SLC38A9: variants seen among roughly 807,000 people sequenced by gnomAD.
SLC38A9 encodes the protein solute carrier family 38 member 9.
SLC38A9 carries 48 observed loss-of-function variants against 62.3 expected under a neutral mutation model. That is an observed-to-expected ratio of 0.77 (90% CI 0.61 to 0.98). SLC38A9 has a LOEUF of 0.98. Ranked by LOEUF, SLC38A9 falls within the 50% of genes least tolerant of loss-of-function variation. SLC38A9 has a pLI of 0.00. For missense variants in SLC38A9, 541 were observed against 679.8 expected, an observed-to-expected ratio of 0.80 and a Z score of 2.27; for synonymous variants, 204 against 227.7, an observed-to-expected ratio of 0.90 and a Z score of 0.94.
intron 9 of SLC38A9, among the ~76,000 whole-genome samples, chr5:55,653,970 C>G (rs67424964): frequency 6.6e-6 from 1 of 152,058 alleles, no homozygotes; most frequent in African/African-American, 2.4e-5. Context: ...ACGTATGTTT[C>G]TTAAATACTG....
chr5:55,635,793 T>C, intron 12 of SLC38A9, 136 bp from the exon 13 acceptor site: 1 of 592,512 alleles, frequency 1.7e-6, no homozygotes, highest in South Asian at 2.3e-5. Context: ...CTTCTAGATA[T>C]TCAATTTGTT....
At chr5:55,705,006 T>C (rs143031476) in intron 2 of SLC38A9, among the ~76,000 whole-genome samples, 144 of 152,344 alleles carry the variant, frequency 9.5e-4, no homozygotes, top group African/African-American at 3.2e-3. Context: ...ACTTTTATTA[T>C]GAATTTGGCT....
intron 12 of SLC38A9, among the ~76,000 whole-genome samples, chr5:55,639,288 A>G (rs1480743169): frequency 6.6e-6 from 1 of 151,798 alleles, no homozygotes; most frequent in African/African-American, 2.4e-5. Context: ...AAAAAAAAAA[A>G]AAAAAAGAAT....
rs777728823 is a variant in SLC38A9 at position 55,692,884 on chromosome 5, T to C, written c.113+4962A>G. 1.4e-5 allele frequency: 14 copies of C among 978,584 alleles called. No homozygotes were observed. In the South Asian group the frequency reaches 4.7e-4, roughly 33 times the overall value. 60.6% of individuals were successfully genotyped at this position (978,584 alleles called of 1,614,324 possible). A position where few individuals can be genotyped will look rare whatever the true frequency, so the allele number is the denominator to read the frequency against. On this transcript the variant is annotated intron_variant, in intron 3 of 15. Transcript: ENST00000396865. ...GGATTATATAAGTAAGAATCAAAAG[T>C]CTTATTTCATTATCTTTTCTGATGG...
intron 3 of SLC38A9, among the ~76,000 whole-genome samples, chr5:55,693,809 C>A (rs901395947): frequency 6.6e-6 from 1 of 152,102 alleles, no homozygotes; most frequent in Non-Finnish European, 1.5e-5. Flanking sequence ...ACCTGTAATC[C>A]CAACACTTTG....
intron 2 of SLC38A9, among the ~76,000 whole-genome samples, chr5:55,704,685 A>C (rs1017730801): frequency 6.6e-6 from 1 of 152,244 alleles, no homozygotes; most frequent in Non-Finnish European, 1.5e-5. Flanking sequence ...AATGCATAAA[A>C]GCACTTTCAG....
intron 3 of SLC38A9, chr5:55,694,063 C>T: frequency 6.2e-6 from 1 of 160,124 alleles, no homozygotes; most frequent in East Asian, 1.8e-4. Context: ...AAAAAATTAG[C>T]TGGTCACAGT....
At chr5:55,693,134 G>A (rs1230024775) in intron 3 of SLC38A9, 1 of 365,184 alleles carries the variant, frequency 2.7e-6, no homozygotes, top group Non-Finnish European at 3.8e-6. Flanking sequence ...TTAATTGTTG[G>A]GTGTCTACCT....
At chr5:55,634,373 G>A (rs1422800030) in intron 13 of SLC38A9, 1 of 152,726 alleles carries the variant, frequency 6.5e-6, no homozygotes, top group Non-Finnish European at 1.5e-5. Flanking sequence ...AGAATAAGGT[G>A]AGAGTATGTC....
chr5:55,653,949 A>G (rs561627858), intron 9 of SLC38A9, among the ~76,000 whole-genome samples: 4 of 152,118 alleles, frequency 2.6e-5, no homozygotes, highest in Non-Finnish European at 5.9e-5. Context: ...GAGCCACCGC[A>G]CTGGGCCTAA....
intron 3 of SLC38A9, among the ~76,000 whole-genome samples, chr5:55,682,633 G>C (rs6895240): frequency 0.036 from 5,543 of 152,198 alleles, 135 homozygotes; most frequent in African/African-American, 0.07. Context: ...AAAGCAGCCA[G>C]GCATCCTGAC....
intron 3 of SLC38A9, among the ~76,000 whole-genome samples, chr5:55,677,507 C>T (rs1752271463): frequency 6.6e-6 from 1 of 152,080 alleles, no homozygotes; most frequent in Non-Finnish European, 1.5e-5. Flanking sequence ...CTCCTTCACT[C>T]TGTACAGAAG....
At chr5:55,684,601 C>G (rs1005572481) in intron 3 of SLC38A9, among the ~76,000 whole-genome samples, 1 of 152,142 alleles carries the variant, frequency 6.6e-6, no homozygotes, top group African/African-American at 2.4e-5. Context: ...AATTTTCTTC[C>G]TCTAGCCCTA....
At position 55,625,872 on chromosome 5, in the gene SLC38A9, A is replaced by C. The variant is rs1188071404; in HGVS notation, c.*622T>G. 3.6e-5 allele frequency: 5 copies of C among 138,164 alleles called. No individual in the cohort carries two copies. Among genetic ancestry groups the C allele is most frequent in the Non-Finnish European group, 7.7e-5 (5 of 65,254 alleles). 8.6% of individuals were successfully genotyped at this position (138,164 alleles called of 1,614,324 possible). ...AGACAGCAACAAACTCTCCTACTTT[A>C]TTTATTTTGTATACATTTCATGATC... is the stretch of plus-strand genomic sequence containing the variant. On this transcript the variant is annotated 3_prime_UTR_variant, in exon 16 of 16. Coordinates refer to ENST00000396865, the MANE Select transcript of SLC38A9 (RefSeq NM_173514.4).
chr5:55,631,242 C>G (rs757330916), intron 14 of SLC38A9, among the ~76,000 whole-genome samples: 1 of 152,104 alleles, frequency 6.6e-6, no homozygotes, highest in Non-Finnish European at 1.5e-5. Flanking sequence ...TTTTTAAGAG[C>G]ATAAAGGGTC....
intron 11 of SLC38A9, among the ~76,000 whole-genome samples, chr5:55,648,038 G>C (rs1306226211): frequency 6.6e-6 from 1 of 152,094 alleles, no homozygotes; most frequent in Non-Finnish European, 1.5e-5. Flanking sequence ...TCAGGAGTTT[G>C]AGACCAGCCT....
At chr5:55,664,922 A>G in intron 7 of SLC38A9, 59 bp from the exon 8 acceptor site, 1 of 1,208,824 alleles carries the variant, frequency 8.3e-7, no homozygotes, top group Non-Finnish European at 1.1e-6. Flanking sequence ...CATATTCATA[A>G]TTTGTGTTCC....
rs186585259 is a variant in SLC38A9, at chr5:55,664,597, T to G, written c.697+96A>C. ...TTATATATGTTACTTCTTATTTTAT[T>G]TATCCCAAGTCCTAGAATTTAAGGC... On this transcript the variant is annotated intron_variant, in intron 8 of 15. Transcript: ENST00000396865. 7.0e-4 allele frequency: 457 copies of G among 648,904 alleles called. 2 individuals are homozygous for G. The highest frequency in any genetic ancestry group is 9.8e-4 in the Non-Finnish European group (421 of 431,672). 40.2% of individuals were successfully genotyped at this position (648,904 alleles called of 1,614,324 possible). A position where few individuals can be genotyped will look rare whatever the true frequency, so the allele number is the denominator to read the frequency against.
intron 2 of SLC38A9, among the ~76,000 whole-genome samples, chr5:55,701,985 T>C (rs1252770490): frequency 6.6e-6 from 1 of 152,230 alleles, no homozygotes; most frequent in Admixed American, 6.5e-5. Context: ...TGTTACTTGT[T>C]ACTGCCCAGA....
Sources: allele counts gnomAD v4.1 joint callset (sites outside exome capture counted in the v4.1 genomes callset), GRCh38; gene constraint gnomAD v4.1.1; transcripts MANE v1.5; gene names NCBI Gene and HGNC (gene_info 2026-07-23, HGNC 2026-07-21).